Variants in NKAIN1 observed in about 807,000 individuals in gnomAD.
NKAIN1 encodes the protein sodium/potassium-transporting ATPase subunit beta-1-interacting protein 1.
In NKAIN1, 13 loss-of-function variants were observed where a neutral mutation model predicts 31.6. The observed-to-expected ratio is 0.41, with a 90% CI of 0.27 to 0.65. The LOEUF is 0.65. Among genes scored for constraint, NKAIN1 ranks in the 30% least tolerant of loss-of-function variants. The pLI, the probability that NKAIN1 is intolerant of heterozygous loss-of-function variation, is 0.30. For synonymous variants in NKAIN1, 104 were observed against 109.0 expected, an observed-to-expected ratio of 0.95 and a Z score of 0.28; for missense variants, 193 against 262.2, an observed-to-expected ratio of 0.74 and a Z score of 1.82.
intron 1 of NKAIN1, among the ~76,000 whole-genome samples, chr1:31,224,025 C>T (rs1208362551): frequency 1.3e-5 from 2 of 152,216 alleles, no homozygotes; most frequent in Non-Finnish European, 2.9e-5. Flanking sequence ...ACAGACAGCT[C>T]TCCTCCCTAG....
At chr1:31,213,509 TG>T (rs1467461583) in intron 1 of NKAIN1, among the ~76,000 whole-genome samples, 1 of 152,138 alleles carries the variant, frequency 6.6e-6, no homozygotes, top group Non-Finnish European at 1.5e-5. Context: ...CTGTGGAAAA[TG>T]GGGCTAGTTC....
chr1:31,197,258 C>T (rs1198519952), intron 1 of NKAIN1, among the ~76,000 whole-genome samples: 1 of 151,670 alleles, frequency 6.6e-6, no homozygotes, highest in Non-Finnish European at 1.5e-5. Context: ...ACTACAGGCA[C>T]CCACCAGCAC....
chr1:31,217,548 A>G (rs1448996564), intron 1 of NKAIN1, among the ~76,000 whole-genome samples: 6 of 152,186 alleles, frequency 3.9e-5, no homozygotes. Context: ...ACCCGGAAAC[A>G]TCAAGACCAT....
chr1:31,232,424 T>TATAGAG (rs1313157898), intron 1 of NKAIN1, among the ~76,000 whole-genome samples: 1 of 16,924 alleles, frequency 5.9e-5, no homozygotes. Context: ...TATATATATA[T>TATAGAG]AGAGAGAGAG....
intron 1 of NKAIN1, among the ~76,000 whole-genome samples, chr1:31,231,353 T>TC (rs1553164290): frequency 6.6e-6 from 1 of 150,464 alleles, no homozygotes; most frequent in East Asian, 1.9e-4. Flanking sequence ...TTTTTTTTTT[T>TC]AATAGATGCA....
At chr1:31,212,406 T>C (rs12032979) in intron 1 of NKAIN1, among the ~76,000 whole-genome samples, 92,067 of 134,420 alleles carry the variant, frequency 0.68, 30,357 homozygotes, top group Middle Eastern at 0.85. Context: ...TAGTTTCTTT[T>C]TTTTTTTTTT....
rs138578415 is a variant in NKAIN1 at position 31,220,003 on chromosome 1, A to ACTTT, written c.54+19490_54+19491insAAAG. The stretch of plus-strand genomic sequence containing the variant: ...GCTAAACCTGCTTCAGAACACTCAG[A>ACTTT]TTTTTTTTTTTTTTTTTTTTTGAGA... On this transcript the variant is annotated intron_variant, in intron 1 of 6. Transcript: ENST00000373736. Among the ~76,000 whole-genome samples, 10 of 127,780 alleles carry ACTTT rather than the reference A, an allele frequency of 7.8e-5. 2 individuals carry two copies. The highest frequency in any genetic ancestry group is 8.6e-5 in the Admixed American group (1 of 11,636). 83.8% of individuals were successfully genotyped at this position (127,780 alleles called of 152,430 possible).
Position 31,239,394 on chromosome 1 carries a change from G to T in NKAIN1, c.54+100C>A. On this transcript the variant is annotated intron_variant, in intron 1 of 6. Transcript: ENST00000373736. The surrounding 1 kb of genome is among the most constrained non-coding windows in gnomAD (Gnocchi z 4.8). Reference sequence around the variant, plus strand: ...ACCCCCCGCCCGGGCACACGCACCAGACACACACACAGAGACACACGCAAC... The same window carrying T: ...ACCCCCCGCCCGGGCACACGCACCATACACACACACAGAGACACACGCAAC... 2 of 884,748 alleles carry T rather than the reference G, an allele frequency of 2.3e-6. No individual in the cohort carries two copies. Among genetic ancestry groups the T allele is most frequent in the South Asian group, 2.4e-5 (1 of 41,082 alleles). 54.8% of individuals were successfully genotyped at this position (884,748 alleles called of 1,614,324 possible).
chr1:31,218,687 T>A (rs186042145), intron 1 of NKAIN1, among the ~76,000 whole-genome samples: 1 of 152,198 alleles, frequency 6.6e-6, no homozygotes, highest in Non-Finnish European at 1.5e-5. Flanking sequence ...CAGGCCTTGA[T>A]AAACTGTGCC....
chr1:31,182,667 G>T (rs1014208172), intron 4 of NKAIN1, 77 bp from the exon 5 acceptor site: 1 of 1,510,174 alleles, frequency 6.6e-7, no homozygotes, highest in Non-Finnish European at 9.2e-7. Flanking sequence ...GGCCCTGTAC[G>T]CTCTGACTGG....
chr1:31,226,579 C>T (rs1645609306), intron 1 of NKAIN1, among the ~76,000 whole-genome samples: 1 of 148,958 alleles, frequency 6.7e-6, no homozygotes, highest in Non-Finnish European at 1.5e-5. Flanking sequence ...TGTTGGAGTG[C>T]AGTGGCACAA....
chr1:31,187,902 G>A (rs1427234280), intron 2 of NKAIN1, 148 bp downstream of exon 2: 2 of 808,418 alleles, frequency 2.5e-6, no homozygotes, highest in East Asian at 2.7e-5. Context: ...GCATGGGGCT[G>A]TGCACATTCA....
chr1:31,239,242 G>A lies in NKAIN1; in HGVS notation c.54+252C>T, dbSNP rs1314055834. 6.6e-6 allele frequency among the ~76,000 whole-genome samples: 1 copy of A among 152,092 alleles called. No individual in the cohort carries two copies. The highest frequency in any genetic ancestry group is 1.5e-5 in the Non-Finnish European group (1 of 68,016). ...GCCACTTGTACAGTGCGGGCGGGCC[G>A]GGGACTCGCGCACAGGACGCACTTG... On this transcript the variant is annotated intron_variant, in intron 1 of 6. Coordinates refer to ENST00000373736, the MANE Select transcript of NKAIN1 (RefSeq NM_024522.3). The surrounding 1 kb of genome is among the most constrained non-coding windows in gnomAD (Gnocchi z 4.8).
intron 1 of NKAIN1, among the ~76,000 whole-genome samples, chr1:31,197,470 A>T (rs1364733662): frequency 6.9e-6 from 1 of 145,746 alleles, no homozygotes; most frequent in Admixed American, 6.8e-5. Context: ...TTGGTCTCAA[A>T]CTCCTGACCT....
At chr1:31,197,404 T>C (rs974115656) in intron 1 of NKAIN1, among the ~76,000 whole-genome samples, 4 of 151,552 alleles carry the variant, frequency 2.6e-5, no homozygotes, top group African/African-American at 9.7e-5. Flanking sequence ...AGCTACCACG[T>C]CTGGCCTAAT....
chr1:31,232,331 T>A (rs1308294480), intron 1 of NKAIN1, among the ~76,000 whole-genome samples: 1 of 142,944 alleles, frequency 7.0e-6, no homozygotes, highest in African/African-American at 2.6e-5. Context: ...CCTCAGGTGA[T>A]CCACCTGTCT....
chr1:31,184,056 G>C (rs1426283076), intron 3 of NKAIN1, 42 bp from the exon 4 acceptor site: 1 of 1,565,574 alleles, frequency 6.4e-7, no homozygotes, highest in Non-Finnish European at 8.7e-7. Context: ...TGAGGGAGAG[G>C]GAGGGGGGAG....
rs1156821257 is a variant in NKAIN1, at chr1:31,182,521, C to G, written c.532+9G>C. The G allele has an allele frequency of 6.2e-7, 1 of 1,614,004 alleles. No individual in the cohort carries two copies. The highest frequency in any genetic ancestry group is 1.3e-5 in the African/African-American group (1 of 74,926). ...AGATTCCCCACTTCCCCAGGGGCGCCTTACTCACAGCTGTCCTCCTCCTCC... is the reference window on the plus strand; with the variant it reads ...AGATTCCCCACTTCCCCAGGGGCGCGTTACTCACAGCTGTCCTCCTCCTCC... On this transcript the variant is annotated intron_variant, in intron 5 of 6. Transcript: ENST00000373736.
chr1:31,193,392 T>C (rs1553162047), intron 1 of NKAIN1, among the ~76,000 whole-genome samples: 2 of 151,824 alleles, frequency 1.3e-5, no homozygotes, highest in Non-Finnish European at 2.9e-5. Context: ...AAAGTTATTA[T>C]TTTTTATTAG....
Sources: gnomAD v4.1 joint callset for allele counts (sites outside exome capture counted in the v4.1 genomes callset) on GRCh38, gnomAD v4.1.1 for gene constraint, Gnocchi (gnomAD v3.1) non-coding constraint, MANE v1.5 for transcripts, NCBI Gene and HGNC (gene_info 2026-07-23, HGNC 2026-07-21) for gene names.